Variants in AKR1E2 observed in about 807,000 individuals in gnomAD.
The protein encoded by AKR1E2 is 1,5-anhydro-D-fructose reductase.
AKR1E2 carries 43 observed loss-of-function variants against 41.9 expected under a neutral mutation model. The ratio of observed to expected loss-of-function variants is 1.03; its 90% CI spans 0.80 to 1.32. AKR1E2 has a LOEUF of 1.32. Among genes scored for constraint, AKR1E2 ranks in the 40% most tolerant of loss-of-function variants. The pLI, the probability that AKR1E2 is intolerant of heterozygous loss-of-function variation, is 0.00. For missense variants in AKR1E2, 423 were observed against 396.5 expected, an observed-to-expected ratio of 1.07 and a Z score of -0.57; for synonymous variants, 121 against 138.9, an observed-to-expected ratio of 0.87 and a Z score of 0.91.
At chr10:4,858,679 A>T in the AKR1E2 span, among the ~76,000 whole-genome samples, 2 of 152,122 alleles carry the variant, frequency 1.3e-5, no homozygotes, top group Non-Finnish European at 2.9e-5. Context: ...ATGGTGTTTC[A>T]AGGTGGAAAG....
intron 2 of AKR1E2, 42 bp from the exon 3 acceptor site, chr10:4,833,308 T>C (rs1833125683): frequency 4.6e-6 from 7 of 1,516,400 alleles, no homozygotes; most frequent in Non-Finnish European, 5.5e-6. Flanking sequence ...CCATGCTGGC[T>C]CTGGGTGGGC....
the AKR1E2 span, among the ~76,000 whole-genome samples, chr10:4,871,039 A>G: frequency 6.6e-6 from 1 of 152,084 alleles, no homozygotes; most frequent in Non-Finnish European, 1.5e-5. Flanking sequence ...TTCCAGATCA[A>G]TAATTATCTC....
intron 5 of AKR1E2, 34 bp downstream of exon 5, chr10:4,837,615 G>A: frequency 6.3e-7 from 1 of 1,591,796 alleles, no homozygotes. Flanking sequence ...AGTTTAACCT[G>A]TGTGGCTGGT....
chr10:4,829,444 T>C (rs1043263587), intron 1 of AKR1E2, among the ~76,000 whole-genome samples: 1 of 152,034 alleles, frequency 6.6e-6, no homozygotes, highest in African/African-American at 2.4e-5. Flanking sequence ...TGTGTGACTT[T>C]TAATATTTTT....
rs1402833577 is a variant in AKR1E2, at chr10:4,835,789, G to C, written c.439G>C (p.Asp147His). ...ESNMVIPSDT[D>H]FLDTWEAMED... ...CAACATGGTTATTCCCAGTGACACG[G>C]ACTTCCTGGACACGTGGGAGGTGAG... The change falls in exon 4 of 10, where the codon GAC (aspartate) becomes CAC (histidine). Residue 147 changes from aspartate to histidine, a missense_variant. Physicochemically the swap from Asp to His is moderately conservative, Grantham distance 81. Coordinates refer to ENST00000298375, the MANE Select transcript of AKR1E2 (RefSeq NM_001040177.3). The C allele has an allele frequency of 6.2e-7, 1 of 1,614,052 alleles. No individual in the cohort carries two copies. Among genetic ancestry groups the C allele is most frequent in the South Asian group, 1.1e-5 (1 of 91,080 alleles).
Position 4,834,615 on chromosome 10 carries a change from A to T in AKR1E2, c.325-1060A>T, listed in dbSNP as rs144462874. On this transcript the variant is annotated intron_variant, in intron 3 of 9. Transcript: ENST00000298375. Reference sequence around the variant, plus strand: ...GTTCTACAAAGTTGACACTATTAACATCCCTCTTGGAGAGATGATGAAACT... The same window carrying T: ...GTTCTACAAAGTTGACACTATTAACTTCCCTCTTGGAGAGATGATGAAACT... 2.2e-4 allele frequency among the ~76,000 whole-genome samples: 33 copies of T among 152,354 alleles called. No individual in the cohort carries two copies. The East Asian group carries it at 5.6e-3, about 26-fold the overall frequency.
the AKR1E2 span, among the ~76,000 whole-genome samples, chr10:4,859,155 G>A: frequency 1.3e-5 from 2 of 152,054 alleles, no homozygotes; most frequent in African/African-American, 4.8e-5. Context: ...GATCATGTAT[G>A]GTCTTTGAAG....
the AKR1E2 span, among the ~76,000 whole-genome samples, chr10:4,872,851 AG>A: frequency 6.6e-6 from 1 of 152,216 alleles, no homozygotes; most frequent in African/African-American, 2.4e-5. Context: ...AGGCTCTTCT[AG>A]GACGAGTTGC....
chr10:4,847,060 G>A, intron 8 of AKR1E2, 88 bp from the exon 9 acceptor site: 1 of 1,428,716 alleles, frequency 7.0e-7, no homozygotes, highest in Non-Finnish European at 9.8e-7. Context: ...GTCCCTTGCA[G>A]GTCTAGCACT....
chr10:4,857,400 C>G, the AKR1E2 span, among the ~76,000 whole-genome samples: 1 of 151,604 alleles, frequency 6.6e-6, no homozygotes, highest in African/African-American at 2.4e-5. Context: ...TGTGTAGTAC[C>G]CCCCACACAC....
the AKR1E2 span, among the ~76,000 whole-genome samples, chr10:4,857,980 T>C: frequency 6.6e-6 from 1 of 152,206 alleles, no homozygotes; most frequent in African/African-American, 2.4e-5. Flanking sequence ...AAATATTTTC[T>C]ATTTTATATA....
intron 8 of AKR1E2, among the ~76,000 whole-genome samples, chr10:4,845,116 A>G (rs1435191353): frequency 1.3e-5 from 2 of 152,144 alleles, no homozygotes; most frequent in Admixed American, 1.3e-4. Flanking sequence ...GTGGGCCAGC[A>G]CTGCTGGGGG....
At chr10:4,856,071 T>C in the AKR1E2 span, among the ~76,000 whole-genome samples, 1 of 152,198 alleles carries the variant, frequency 6.6e-6, no homozygotes, top group African/African-American at 2.4e-5. Flanking sequence ...TAAAAGTCGC[T>C]TAGAGTTAAC....
Position 4,842,497 on chromosome 10 carries a change from A to C in AKR1E2, c.830A>C (p.Asn277Thr). ...GSITPSHIKE[N>T]IQVFDFELTQ... The stretch of plus-strand genomic sequence containing the variant: ...ATCACCCCAAGTCACATTAAAGAGA[A>C]TATCCAGGTAGGTGTATTCCTTCTT... Residue 277 changes from asparagine to threonine, a missense_variant, in exon 8 of 10, where the codon AAT becomes ACT. Coordinates refer to ENST00000298375, the MANE Select transcript of AKR1E2 (RefSeq NM_001040177.3). 1.2e-6 allele frequency: 2 copies of C among 1,613,900 alleles called. No individual in the cohort carries two copies. Among genetic ancestry groups the C allele is most frequent in the Non-Finnish European group, 1.7e-6 (2 of 1,179,776 alleles).
rs140232346 is a variant in AKR1E2, at chr10:4,839,753, C to T, written c.607C>T (p.Gln203Ter). 1.2e-6 allele frequency: 2 copies of T among 1,614,070 alleles called. No homozygotes were observed. The highest frequency in any genetic ancestry group is 3.3e-5 in the Admixed American group (2 of 60,024). ...NQIECHPYLT[Q>*]KNLISFCQSR... ...GATTGAGTGCCACCCATATCTTACT[C>T]AGAAGAATCTGATCAGTTTTTGCCA... is the stretch of plus-strand genomic sequence containing the variant. The change falls in exon 6 of 10, where the codon CAG becomes TAG. Residue 203 changes from glutamine to a stop codon, truncating the protein, a stop_gained. Coordinates refer to ENST00000298375, the MANE Select transcript of AKR1E2 (RefSeq NM_001040177.3). LOFTEE classifies it high-confidence loss of function.
chr10:4,864,312 A>C, the AKR1E2 span, among the ~76,000 whole-genome samples: 1 of 152,248 alleles, frequency 6.6e-6, no homozygotes. Context: ...CAACATATGC[A>C]AATCAATAAA....
chr10:4,867,463 T>C, the AKR1E2 span, among the ~76,000 whole-genome samples: 47 of 152,334 alleles, frequency 3.1e-4, 1 homozygote, highest in South Asian at 2.5e-3. Context: ...GCTGCCTCCT[T>C]AACCCCTGGC....
At chr10:4,840,446 C>G (rs1440335000) in intron 6 of AKR1E2, among the ~76,000 whole-genome samples, 1 of 152,246 alleles carries the variant, frequency 6.6e-6, no homozygotes, top group Non-Finnish European at 1.5e-5. Flanking sequence ...AGCTCCCTCC[C>G]TGGCCCACTC....
chr10:4,857,656 C>G, the AKR1E2 span, among the ~76,000 whole-genome samples: 2 of 151,972 alleles, frequency 1.3e-5, no homozygotes, highest in Non-Finnish European at 2.9e-5. Flanking sequence ...TATATATACC[C>G]GCTATATGCC....
Sources: allele counts gnomAD v4.1 joint callset (sites outside exome capture counted in the v4.1 genomes callset), GRCh38; gene constraint gnomAD v4.1.1; transcripts MANE v1.5; gene names NCBI Gene and HGNC (gene_info 2026-07-23, HGNC 2026-07-21).